Variants in GLRA2 observed in about 807,000 individuals in gnomAD.
The protein encoded by GLRA2 is glycine receptor alpha 2, also known as glycine receptor subunit alpha-2.
A neutral mutation model predicts 31.6 loss-of-function variants in GLRA2; 11 were observed. The observed-to-expected ratio is 0.35, with a 90% CI of 0.22 to 0.58. The LOEUF is 0.58. Ranked by LOEUF, GLRA2 falls within the 20% of genes least tolerant of loss-of-function variation. The pLI is 0.84. For synonymous variants in GLRA2, 132 were observed against 134.0 expected, an observed-to-expected ratio of 0.99 and a Z score of 0.10; for missense variants, 212 against 351.8, an observed-to-expected ratio of 0.60 and a Z score of 3.18.
At chrX:14,655,504 G>A (rs1164717766) in intron 7 of GLRA2, among the ~76,000 whole-genome samples, 1 of 111,405 alleles carries the variant, frequency 9.0e-6, no homozygotes, top group Non-Finnish European at 1.9e-5. Flanking sequence ...GCCAGATTAT[G>A]TTCTCCATGT....
intron 7 of GLRA2, among the ~76,000 whole-genome samples, chrX:14,654,599 A>AT (rs2090922392): frequency 8.9e-6 from 1 of 111,818 alleles, no homozygotes; most frequent in South Asian, 3.8e-4. Context: ...TCACTAATGC[A>AT]TTTTAATTCT....
chrX:14,468,637 T>C, the GLRA2 span, among the ~76,000 whole-genome samples: 2 of 111,938 alleles, frequency 1.8e-5, no homozygotes, highest in African/African-American at 6.5e-5. Flanking sequence ...CCTACCTACA[T>C]AAAAAACTTA....
the GLRA2 span, among the ~76,000 whole-genome samples, chrX:14,450,734 C>T: frequency 9.0e-6 from 1 of 111,533 alleles, no homozygotes; most frequent in Non-Finnish European, 1.9e-5. Flanking sequence ...TTGACACAGT[C>T]TCACTCCATC....
intron 2 of GLRA2, among the ~76,000 whole-genome samples, chrX:14,564,564 C>G (rs1389014244): frequency 8.9e-6 from 1 of 112,106 alleles, no homozygotes; most frequent in East Asian, 2.8e-4. Flanking sequence ...TGTAAAAACA[C>G]TATTATTGTA....
intron 3 of GLRA2, among the ~76,000 whole-genome samples, chrX:14,578,125 T>C (rs756455230): frequency 8.9e-6 from 1 of 112,191 alleles, no homozygotes; most frequent in South Asian, 3.7e-4. Context: ...CTCTCTTCCC[T>C]TACACTTCAC....
At chrX:14,577,683 C>T (rs376079708) in intron 3 of GLRA2, among the ~76,000 whole-genome samples, 1 of 111,307 alleles carries the variant, frequency 9.0e-6, no homozygotes, top group East Asian at 2.8e-4. Flanking sequence ...CATGAGTGCT[C>T]TACCCTTACG....
chrX:14,652,464 C>T (rs919850730), intron 7 of GLRA2, among the ~76,000 whole-genome samples: 28 of 111,427 alleles, frequency 2.5e-4, no homozygotes, highest in African/African-American at 8.5e-4. Flanking sequence ...GAAGATTTGT[C>T]GCAACCCTGC....
At chrX:14,666,265 T>C (rs1375341944) in intron 7 of GLRA2, among the ~76,000 whole-genome samples, 2 of 112,137 alleles carry the variant, frequency 1.8e-5, no homozygotes, top group South Asian at 7.4e-4. Flanking sequence ...ATCTCTAGCA[T>C]TTGAGAGACT....
At position 14,685,027 on chromosome X, in the gene GLRA2, G is replaced by A. The variant is rs1007159889; in HGVS notation, c.931-5683G>A. On this transcript the variant is annotated intron_variant, in intron 7 of 8. Coordinates refer to ENST00000218075, the MANE Select transcript of GLRA2 (RefSeq NM_002063.4). ...TTTATTGAGAGTTTTTAGCATGAAG[G>A]GTTGTTGAATTTTGTCAAAGGCCTT... is the stretch of plus-strand genomic sequence containing the variant. Among the ~76,000 whole-genome samples the A allele has an allele frequency of 7.2e-5, 8 of 111,399 alleles. No individual in the cohort carries two copies. In the South Asian group the frequency reaches 2.7e-3, roughly 37 times the overall value.
chrX:14,712,102 A>G (rs780069540), intron 8 of GLRA2, among the ~76,000 whole-genome samples: 2 of 112,925 alleles, frequency 1.8e-5, no homozygotes, highest in South Asian at 7.2e-4. Context: ...TACCTTTTCC[A>G]TAGTATCTGG....
chrX:14,581,102 A>G (rs1363400545), intron 3 of GLRA2, 81 bp from the exon 4 acceptor site: 1 of 613,211 alleles, frequency 1.6e-6, no homozygotes, highest in Non-Finnish European at 2.8e-6. Flanking sequence ...GTATCAAATC[A>G]GGGAGAAGAA....
chrX:14,474,322 G>A, the GLRA2 span, among the ~76,000 whole-genome samples: 1 of 111,408 alleles, frequency 9.0e-6, no homozygotes. Context: ...CTACAGTTTA[G>A]TATGGCTTGG....
chrX:14,457,872 A>G, the GLRA2 span, among the ~76,000 whole-genome samples: 2 of 106,699 alleles, frequency 1.9e-5, no homozygotes, highest in East Asian at 2.9e-4. Flanking sequence ...TCGTTTCTTG[A>G]CTTTTTTTTT....
the GLRA2 span, among the ~76,000 whole-genome samples, chrX:14,473,641 C>A: frequency 9.2e-4 from 102 of 111,473 alleles, no homozygotes; most frequent in African/African-American, 3.2e-3. Flanking sequence ...GTCTTTTCAT[C>A]TTCTATGCAC....
chrX:14,617,676 T>A (rs1429341969), intron 7 of GLRA2, among the ~76,000 whole-genome samples: 5 of 112,016 alleles, frequency 4.5e-5, no homozygotes, highest in Non-Finnish European at 7.5e-5. Flanking sequence ...GGCCCAGTTA[T>A]CTCAACCACC....
At chrX:14,571,896 C>T (rs1171468522) in intron 2 of GLRA2, among the ~76,000 whole-genome samples, 1 of 111,380 alleles carries the variant, frequency 9.0e-6, no homozygotes, top group Non-Finnish European at 1.9e-5. Context: ...GGAAGTGCAA[C>T]AAAAAGGTTG....
chrX:14,469,459 T>C, the GLRA2 span, among the ~76,000 whole-genome samples: 6 of 108,284 alleles, frequency 5.5e-5, no homozygotes, highest in Non-Finnish European at 1.2e-4. Context: ...TGTCCAACAA[T>C]GATAGACTGG....
chrX:14,593,731 T>C (rs181519519), intron 4 of GLRA2, among the ~76,000 whole-genome samples: 1 of 112,988 alleles, frequency 8.9e-6, no homozygotes, highest in African/African-American at 3.2e-5. Flanking sequence ...CTGAGTTGGC[T>C]GTAGGATAAA....
chrX:14,592,665 C>T (rs777242188), intron 4 of GLRA2, among the ~76,000 whole-genome samples: 10 of 111,152 alleles, frequency 9.0e-5, no homozygotes, highest in Non-Finnish European at 9.4e-5. Context: ...AAGTGAGACT[C>T]TGTCTCAAAA....
Sources: allele counts gnomAD v4.1 joint callset (sites outside exome capture counted in the v4.1 genomes callset), GRCh38; gene constraint gnomAD v4.1.1; transcripts MANE v1.5; gene names NCBI Gene and HGNC (gene_info 2026-07-23, HGNC 2026-07-21).